Variants in DACH2 observed in about 807,000 individuals in gnomAD.
DACH2 encodes dachshund homolog 2.
DACH2 carries 17 observed loss-of-function variants against 35.8 expected under a neutral mutation model. The ratio of observed to expected loss-of-function variants is 0.48; its 90% CI spans 0.33 to 0.71. The LOEUF (loss-of-function observed/expected upper bound fraction) is 0.71. Ranked by LOEUF, DACH2 falls within the 30% of genes least tolerant of loss-of-function variation. The pLI, the probability that DACH2 is intolerant of heterozygous loss-of-function variation, is 0.02. For synonymous variants in DACH2, 195 were observed against 177.3 expected (o/e 1.10, Z -0.79); for missense variants, 469 against 472.7 (o/e 0.99, Z 0.07).
intron 3 of DACH2, among the ~76,000 whole-genome samples, chrX:86,538,988 G>T (rs971887356): frequency 1.4e-4 from 16 of 110,873 alleles, no homozygotes; most frequent in African/African-American, 5.3e-4. Flanking sequence ...ACCATAGAAA[G>T]ATGTGGCACA....
chrX:86,800,095 A>G (rs1021708482), intron 7 of DACH2, among the ~76,000 whole-genome samples: 1 of 112,178 alleles, frequency 8.9e-6, no homozygotes, highest in Non-Finnish European at 1.9e-5. Flanking sequence ...CAGATGATTA[A>G]CCTTTGTATA....
At chrX:86,397,087 C>G (rs1434785842) in intron 2 of DACH2, among the ~76,000 whole-genome samples, 1 of 109,846 alleles carries the variant, frequency 9.1e-6, no homozygotes, top group Non-Finnish European at 1.9e-5. Context: ...TTGTAGTTCT[C>G]CTTGAAGAGG....
chrX:86,481,658 G>T (rs2037936915), intron 2 of DACH2: 2 of 112,136 alleles, frequency 1.8e-5, no homozygotes, highest in African/African-American at 6.5e-5. Context: ...CACTTATGCA[G>T]ATGACTGCTT....
At chrX:86,159,293 T>C (rs62592841) in intron 1 of DACH2, among the ~76,000 whole-genome samples, 1,504 of 111,377 alleles carry the variant, frequency 0.014, 19 homozygotes, top group Middle Eastern at 0.07. Context: ...CCAGAGTACA[T>C]TGACCCTTAA....
intron 3 of DACH2, among the ~76,000 whole-genome samples, chrX:86,541,486 C>CA (rs1230027204): frequency 1.8e-5 from 2 of 109,917 alleles, no homozygotes; most frequent in Admixed American, 2.0e-4. Context: ...AGGGCAGACT[C>CA]AAAAAAAGGT....
intron 1 of DACH2, among the ~76,000 whole-genome samples, chrX:86,152,631 C>T (rs952760194): frequency 7.2e-5 from 8 of 111,352 alleles, no homozygotes; most frequent in Non-Finnish European, 1.3e-4. Context: ...TTGTTCTGTT[C>T]GACAAGTCAA....
intron 3 of DACH2, 152 bp from the exon 4 acceptor site, chrX:86,650,884 T>A (rs1483225058): frequency 4.6e-6 from 2 of 436,789 alleles, no homozygotes; most frequent in Non-Finnish European, 7.1e-6. Flanking sequence ...TAAGAAATGA[T>A]CCCCATTTTA....
At chrX:86,357,359 TGTTTTA>T (rs2035660065) in intron 1 of DACH2, among the ~76,000 whole-genome samples, 1 of 112,441 alleles carries the variant, frequency 8.9e-6, no homozygotes, top group African/African-American at 3.2e-5. Flanking sequence ...CTTAGTTCTG[TGTTTTA>T]GTTTTAGGGA....
In DACH2 at chrX:86,617,686, T is replaced by C. The variant is rs954865174; in HGVS notation, c.641-33350T>C. Among the ~76,000 whole-genome samples the C allele has an allele frequency of 6.3e-5, 7 of 111,959 alleles. 1 individual carries two copies. The highest frequency in any genetic ancestry group is 4.8e-4 in the Admixed American group (5 of 10,477). On this transcript the variant is annotated intron_variant, in intron 3 of 11. Transcript: ENST00000373125. ...ATATTATTAGAAAAACTGCTCTTTC[T>C]ACCATCAAATAAAATTTCAAGTACA...
intron 1 of DACH2, among the ~76,000 whole-genome samples, chrX:86,169,058 C>T (rs763073772): frequency 9.0e-6 from 1 of 111,513 alleles, no homozygotes; most frequent in South Asian, 3.8e-4. Context: ...TGAAGTATTC[C>T]CTTTAGCATT....
intron 1 of DACH2, among the ~76,000 whole-genome samples, chrX:86,201,045 T>C (rs1024009664): frequency 1.8e-5 from 2 of 111,668 alleles, no homozygotes; most frequent in Non-Finnish European, 3.8e-5. Context: ...TAAATGCCCA[T>C]CAATGATTTG....
At position 86,764,843 on chromosome X, in the gene DACH2, A is replaced by G. The variant is rs140064792; in HGVS notation, c.1240+24961A>G. The stretch of plus-strand genomic sequence containing the variant: ...AGTGGCTGAACTAATTTGCATTCCC[A>G]CCAACAGTATATAAGCTTTTCCTTT... On this transcript the variant is annotated intron_variant, in intron 7 of 11. Transcript: ENST00000373125. Among the ~76,000 whole-genome samples, 878 of 112,322 alleles carry G rather than the reference A, an allele frequency of 7.8e-3. 9 individuals carry two copies. The highest frequency in any genetic ancestry group is 0.027 in the African/African-American group (838 of 30,935).
intron 2 of DACH2, among the ~76,000 whole-genome samples, chrX:86,468,173 G>A (rs892176847): frequency 1.8e-5 from 2 of 111,850 alleles, no homozygotes; most frequent in African/African-American, 6.5e-5. Flanking sequence ...TATAGTAAAT[G>A]TTGAATGGCT....
At chrX:86,633,836 T>C (rs2040230963) in intron 3 of DACH2, among the ~76,000 whole-genome samples, 1 of 112,211 alleles carries the variant, frequency 8.9e-6, no homozygotes, top group Admixed American at 9.4e-5. Flanking sequence ...AATCAATAAA[T>C]GTGATTCACC....
intron 11 of DACH2, chrX:86,829,294 A>G (rs980029512): frequency 8.9e-6 from 1 of 111,981 alleles, no homozygotes; most frequent in East Asian, 2.8e-4. Flanking sequence ...TCAAATAAAA[A>G]CTTTTATTAA....
chrX:86,670,133 T>A (rs139685864), intron 4 of DACH2, among the ~76,000 whole-genome samples: 5,013 of 111,418 alleles, frequency 0.045, 106 homozygotes, highest in South Asian at 0.12. Flanking sequence ...AGTGTAATAC[T>A]TGTCTGTTTT....
At chrX:86,286,393 G>C (rs2034152665) in intron 1 of DACH2, among the ~76,000 whole-genome samples, 1 of 111,095 alleles carries the variant, frequency 9.0e-6, no homozygotes, top group East Asian at 2.8e-4. Flanking sequence ...GCCTCCCAAA[G>C]TGCTGGGATT....
intron 3 of DACH2, among the ~76,000 whole-genome samples, chrX:86,580,260 G>T (rs945197907): frequency 9.0e-6 from 1 of 111,710 alleles, no homozygotes; most frequent in African/African-American, 3.3e-5. Context: ...AACACTGAAG[G>T]AACATTAGCA....
intron 7 of DACH2, among the ~76,000 whole-genome samples, chrX:86,740,104 C>G (rs776297812): frequency 9.0e-6 from 1 of 111,284 alleles, no homozygotes; most frequent in Admixed American, 9.6e-5. Context: ...TTTACTGTAT[C>G]ATTCAATCTC....
Sources: gnomAD v4.1 joint callset for allele counts (sites outside exome capture counted in the v4.1 genomes callset) on GRCh38, gnomAD v4.1.1 for gene constraint, MANE v1.5 for transcripts, NCBI Gene and HGNC (gene_info 2026-07-23, HGNC 2026-07-21) for gene names.